The following MBNL2 variants were observed in gnomAD, a reference collection of about 807,000 sequenced individuals.
The protein encoded by MBNL2 is muscleblind like splicing regulator 2.
A neutral mutation model predicts 41.9 loss-of-function variants in MBNL2; 17 were observed. That is an observed-to-expected ratio of 0.41 (90% CI 0.28 to 0.61). MBNL2 has a LOEUF of 0.61. Ranked by LOEUF, MBNL2 falls within the 20% of genes least tolerant of loss-of-function variation. The pLI is 0.35. For missense variants in MBNL2, 336 were observed against 505.6 expected, an observed-to-expected ratio of 0.66 and a Z score of 3.22; for synonymous variants, 195 against 182.9, an observed-to-expected ratio of 1.07 and a Z score of -0.53.
At chr13:97,237,968 T>C (rs781775281) in intron 1 of MBNL2, among the ~76,000 whole-genome samples, 8 of 151,980 alleles carry the variant, frequency 5.3e-5, no homozygotes, top group East Asian at 1.9e-4. Flanking sequence ...ATGGGCAGGA[T>C]TGACTGGGGC....
At chr13:97,238,724 G>A (rs925580566) in intron 1 of MBNL2, among the ~76,000 whole-genome samples, 7 of 152,182 alleles carry the variant, frequency 4.6e-5, no homozygotes, top group Non-Finnish European at 7.3e-5. Context: ...GGGAGATGGC[G>A]GTGAGCAGAG....
At chr13:97,378,027 TAG>T (rs2065115104) in intron 8 of MBNL2, among the ~76,000 whole-genome samples, 1 of 152,234 alleles carries the variant, frequency 6.6e-6, no homozygotes, top group African/African-American at 2.4e-5. Flanking sequence ...GAGGTGTCCG[TAG>T]AGAGTCATTT....
At chr13:97,338,539 AAAT>A (rs1319992890) in intron 3 of MBNL2, among the ~76,000 whole-genome samples, 1 of 152,204 alleles carries the variant, frequency 6.6e-6, no homozygotes, top group Non-Finnish European at 1.5e-5. Context: ...CTTCTGTCTC[AAAT>A]TCACAGTGTT....
intron 8 of MBNL2, among the ~76,000 whole-genome samples, chr13:97,374,211 G>A (rs751180830): frequency 1.3e-5 from 2 of 151,504 alleles, no homozygotes; most frequent in African/African-American, 2.4e-5. Flanking sequence ...GCAGTGGCGC[G>A]ATCTCGGCTC....
intron 2 of MBNL2, among the ~76,000 whole-genome samples, chr13:97,278,718 T>C (rs566633636): frequency 1.3e-5 from 2 of 152,170 alleles, no homozygotes; most frequent in South Asian, 4.1e-4. Context: ...GCTGGAGCCT[T>C]TTTGAGGTGT....
At chr13:97,224,059 T>C (rs2041214115) in intron 1 of MBNL2, among the ~76,000 whole-genome samples, 1 of 152,256 alleles carries the variant, frequency 6.6e-6, no homozygotes, top group Admixed American at 6.5e-5. Flanking sequence ...TTCTTGTACC[T>C]GCCACATGTC....
At chr13:97,253,674 T>A (rs1366115092) in intron 1 of MBNL2, among the ~76,000 whole-genome samples, 3 of 152,148 alleles carry the variant, frequency 2.0e-5, no homozygotes, top group Non-Finnish European at 4.4e-5. Flanking sequence ...ATCACTCATA[T>A]AAAAAATTCT....
the MBNL2 span, among the ~76,000 whole-genome samples, chr13:97,201,645 C>T: frequency 6.6e-6 from 1 of 152,080 alleles, no homozygotes; most frequent in Admixed American, 6.5e-5. Flanking sequence ...TCAGTAGATA[C>T]ATTGAAATTA....
At chr13:97,265,347 GGT>G (rs768678715) in intron 1 of MBNL2, among the ~76,000 whole-genome samples, 1 of 152,012 alleles carries the variant, frequency 6.6e-6, no homozygotes, top group Non-Finnish European at 1.5e-5. Context: ...AATGGCCTTG[GGT>G]AACCCTATGT....
At chr13:97,225,932 T>C (rs968694656) in intron 1 of MBNL2, among the ~76,000 whole-genome samples, 10 of 152,220 alleles carry the variant, frequency 6.6e-5, no homozygotes, top group Admixed American at 2.0e-4. Flanking sequence ...CTTTGGTTTC[T>C]CTCAGAAGAA....
At chr13:97,376,341 T>C (rs2064965032) in intron 8 of MBNL2, among the ~76,000 whole-genome samples, 1 of 152,180 alleles carries the variant, frequency 6.6e-6, no homozygotes, top group African/African-American at 2.4e-5. Flanking sequence ...CTCTCTCCCA[T>C]TGACCATAAA....
chr13:97,326,548 TG>T (rs1343390073), intron 2 of MBNL2, among the ~76,000 whole-genome samples: 1 of 152,250 alleles, frequency 6.6e-6, no homozygotes, highest in Admixed American at 6.5e-5. Flanking sequence ...TAGAGGCTTA[TG>T]CATAATCTTG....
chr13:97,381,152 G>T (rs989898730), intron 8 of MBNL2, among the ~76,000 whole-genome samples: 7 of 151,254 alleles, frequency 4.6e-5, no homozygotes, highest in African/African-American at 1.5e-4. Context: ...CACAGGCAAA[G>T]AACTAAAAAG....
chr13:97,373,310 T>A (rs2064574513), intron 8 of MBNL2, among the ~76,000 whole-genome samples: 1 of 151,982 alleles, frequency 6.6e-6, no homozygotes, highest in Admixed American at 6.6e-5. Flanking sequence ...ACATTCTAAC[T>A]GTAGAGGGGG....
chr13:97,365,218 CT>C, intron 8 of MBNL2, 47 bp downstream of exon 8: 1 of 1,152,376 alleles, frequency 8.7e-7, no homozygotes, highest in Non-Finnish European at 1.3e-6. Context: ...TGTACAATAC[CT>C]TCACTTGCTT....
intron 2 of MBNL2, among the ~76,000 whole-genome samples, chr13:97,298,842 T>C (rs1431999890): frequency 6.6e-6 from 1 of 152,204 alleles, no homozygotes; most frequent in African/African-American, 2.4e-5. Flanking sequence ...TAAGGATTGC[T>C]TGTCCCTTGC....
rs949117637 is a variant in MBNL2, at chr13:97,222,481, A to G, written c.-655A>G. ...GAAGCCTCGGCCACTTGGTTCTGCC[A>G]GATGTTCCTGGGGTTACTGTAAATG... On this transcript the variant is annotated 5_prime_UTR_variant, in exon 1 of 9. Transcript: ENST00000679496. The G allele has an allele frequency of 4.0e-5, 16 of 398,578 alleles. No individual in the cohort carries two copies. The highest frequency in any genetic ancestry group is 6.6e-5 in the Non-Finnish European group (15 of 226,090). 24.7% of individuals were successfully genotyped at this position (398,578 alleles called of 1,614,324 possible).
chr13:97,161,774 C>A, the MBNL2 span, among the ~76,000 whole-genome samples: 1 of 152,172 alleles, frequency 6.6e-6, no homozygotes, highest in African/African-American at 2.4e-5. Flanking sequence ...GCCATGTCTT[C>A]AGTTGCCGTG....
intron 3 of MBNL2, among the ~76,000 whole-genome samples, chr13:97,338,099 G>A (rs2061043123): frequency 6.6e-6 from 1 of 152,178 alleles, no homozygotes. Flanking sequence ...ACTCCCTTAT[G>A]TGCCCCTCCA....
Sources: allele counts gnomAD v4.1 joint callset (sites outside exome capture counted in the v4.1 genomes callset), GRCh38; gene constraint gnomAD v4.1.1; transcripts MANE v1.5; gene names NCBI Gene and HGNC (gene_info 2026-07-23, HGNC 2026-07-21).